The following BANK1 variants were observed in gnomAD, a reference collection of about 807,000 sequenced individuals.
The protein encoded by BANK1 is B-cell scaffold protein with ankyrin repeats.
In BANK1, 95 loss-of-function variants were observed where a neutral mutation model predicts 94.5. That is an observed-to-expected ratio of 1.00 (90% CI 0.85 to 1.19). BANK1 has a LOEUF of 1.19. Among genes scored for constraint, BANK1 ranks in the 50% most tolerant of loss-of-function variants. BANK1 has a pLI of 0.00. For missense variants in BANK1, 987 were observed against 932.2 expected (o/e 1.06, Z -0.77); for synonymous variants, 334 against 308.4 (o/e 1.08, Z -0.87).
At chr4:101,966,580 A>G (rs563407468) in intron 7 of BANK1, among the ~76,000 whole-genome samples, 1 of 152,210 alleles carries the variant, frequency 6.6e-6, no homozygotes, top group South Asian at 2.1e-4. Flanking sequence ...ATGCCTTTTA[A>G]TTCAAAGATA....
At chr4:101,847,065 C>A (rs538542315) in intron 2 of BANK1, among the ~76,000 whole-genome samples, 50 of 152,206 alleles carry the variant, frequency 3.3e-4, no homozygotes, top group African/African-American at 1.2e-3. Context: ...GATTGCAAGT[C>A]GTATGAAGGA....
chr4:101,955,925 A>T (rs1312179928), intron 7 of BANK1, among the ~76,000 whole-genome samples: 2 of 152,198 alleles, frequency 1.3e-5, no homozygotes, highest in Non-Finnish European at 2.9e-5. Flanking sequence ...TGGAGGTTAA[A>T]TGAAATAATT....
intron 7 of BANK1, among the ~76,000 whole-genome samples, chr4:101,999,203 T>C (rs1287566688): frequency 6.6e-6 from 1 of 152,162 alleles, no homozygotes; most frequent in Non-Finnish European, 1.5e-5. Context: ...TTGAATACTC[T>C]CAATATTAAA....
intron 4 of BANK1, among the ~76,000 whole-genome samples, chr4:101,867,146 C>A (rs1728102118): frequency 4.8e-5 from 2 of 41,890 alleles, no homozygotes; most frequent in African/African-American, 1.9e-4. Context: ...GCACATGTAC[C>A]CTAAAACTTA....
At chr4:101,932,329 A>G (rs1487241019) in intron 7 of BANK1, among the ~76,000 whole-genome samples, 1 of 151,596 alleles carries the variant, frequency 6.6e-6, no homozygotes, top group Admixed American at 6.6e-5. Context: ...ATGTTTTTAT[A>G]TATGTGTGCA....
rs143890652 is a variant in BANK1 at position 101,977,266 on chromosome 4, G to A, written c.1207-44248G>A. On this transcript the variant is annotated intron_variant, in intron 7 of 16. Transcript: ENST00000322953. ...ATTTCCATGCTTCTTGCAGCATAAG[G>A]AAGGGAATGTGGTGAATCACACACT... 3.8e-3 allele frequency among the ~76,000 whole-genome samples: 577 copies of A among 152,232 alleles called. 7 individuals are homozygous for A. Among genetic ancestry groups the A allele is most frequent in the African/African-American group, 0.013 (551 of 41,548 alleles).
At position 101,987,693 on chromosome 4, in the gene BANK1, A is replaced by G. The variant is rs182584813; in HGVS notation, c.1207-33821A>G. The stretch of plus-strand genomic sequence containing the variant: ...TCTGTTCATGACAAATATTAAAAAA[A>G]GAGCAGAAATCTTATTCTACCTCTG... On this transcript the variant is annotated intron_variant, in intron 7 of 16. Coordinates refer to ENST00000322953, the MANE Select transcript of BANK1 (RefSeq NM_017935.5). Among the ~76,000 whole-genome samples, 1,131 of 152,306 alleles carry G rather than the reference A, an allele frequency of 7.4e-3. 11 individuals carry two copies. Among genetic ancestry groups the G allele is most frequent in the African/African-American group, 0.026 (1,069 of 41,572 alleles).
At chr4:101,809,854 A>G (rs1188304445) in intron 1 of BANK1, among the ~76,000 whole-genome samples, 1 of 152,224 alleles carries the variant, frequency 6.6e-6, no homozygotes, top group Non-Finnish European at 1.5e-5. Context: ...GGTGTGGTAG[A>G]CAGAACAATG....
intron 7 of BANK1, among the ~76,000 whole-genome samples, chr4:101,927,721 T>C (rs1251525772): frequency 6.6e-6 from 1 of 151,562 alleles, no homozygotes; most frequent in East Asian, 1.9e-4. Context: ...AAGCGGAGGA[T>C]GGAATTAATT....
chr4:101,966,838 C>A (rs1438166497), intron 7 of BANK1, among the ~76,000 whole-genome samples: 1 of 151,990 alleles, frequency 6.6e-6, no homozygotes, highest in African/African-American at 2.4e-5. Flanking sequence ...GTTGGTAACA[C>A]CTGGATTTCA....
At chr4:101,849,611 A>G (rs1322319336) in intron 2 of BANK1, among the ~76,000 whole-genome samples, 3 of 152,214 alleles carry the variant, frequency 2.0e-5, no homozygotes, top group Admixed American at 6.5e-5. Context: ...ATGTATTAAC[A>G]CATACTATAT....
chr4:101,927,843 G>A (rs1204192109), intron 7 of BANK1, among the ~76,000 whole-genome samples: 1 of 151,616 alleles, frequency 6.6e-6, no homozygotes, highest in Non-Finnish European at 1.5e-5. Context: ...CCAAAGTTTG[G>A]AAGTAGAGGT....
chr4:101,998,168 T>G (rs909717699), intron 7 of BANK1, among the ~76,000 whole-genome samples: 4 of 152,200 alleles, frequency 2.6e-5, no homozygotes, highest in Admixed American at 1.3e-4. Context: ...CTTAATTTCG[T>G]TATTTACCCA....
rs1305722927 is a variant in BANK1 at position 102,007,068 on chromosome 4, T to TTA, written c.1207-14435_1207-14434dup. 1.1e-3 allele frequency among the ~76,000 whole-genome samples: 105 copies of TTA among 99,058 alleles called. 2 individuals carry two copies. Among genetic ancestry groups the TTA allele is most frequent in the Non-Finnish European group, 1.9e-3 (83 of 44,664 alleles). 65.0% of individuals were successfully genotyped at this position (99,058 alleles called of 152,430 possible). The stretch of plus-strand genomic sequence containing the variant: ...ATATATATATATAAAATATATAATT[T>TTA]TATATATATATAAATATATATATAA... On this transcript the variant is annotated intron_variant, in intron 7 of 16. Coordinates refer to ENST00000322953, the MANE Select transcript of BANK1 (RefSeq NM_017935.5).
rs1177471211 is a variant in BANK1, at chr4:102,025,252, G to A, written c.1337G>A (p.Ser446Asn). The A allele has an allele frequency of 1.9e-6, 3 of 1,614,194 alleles. No individual in the cohort carries two copies. The highest frequency in any genetic ancestry group is 2.5e-6 in the Non-Finnish European group (3 of 1,180,022). The part of the protein sequence containing the change: ...HHESRKTYGQ[S>N]ADGAEANEME... ...GAAAGCAGGAAGACATACGGGCAGAGTGCAGATGGAGCTGAGGCAAATGAA... is the reference window on the plus strand; with the variant it reads ...GAAAGCAGGAAGACATACGGGCAGAATGCAGATGGAGCTGAGGCAAATGAA... The change falls in exon 9 of 17, where the codon AGT becomes AAT. Residue 446 changes from serine to asparagine, a missense_variant. Ser to Asn is a conservative substitution (Grantham distance 46, BLOSUM62 1). Coordinates refer to ENST00000322953, the MANE Select transcript of BANK1 (RefSeq NM_017935.5).
chr4:101,899,752 GA>G (rs1486881524), intron 6 of BANK1, among the ~76,000 whole-genome samples: 5 of 152,130 alleles, frequency 3.3e-5, no homozygotes, highest in Non-Finnish European at 1.5e-5. Context: ...TTGATACCAG[GA>G]TGAGAATTTG....
intron 1 of BANK1, among the ~76,000 whole-genome samples, chr4:101,811,856 A>T (rs1254970553): frequency 6.6e-6 from 1 of 152,070 alleles, no homozygotes; most frequent in Non-Finnish European, 1.5e-5. Context: ...AGAATAAACT[A>T]CTTTGTGTTA....
At chr4:101,814,889 T>G (rs1275181039) in intron 1 of BANK1, among the ~76,000 whole-genome samples, 1 of 152,222 alleles carries the variant, frequency 6.6e-6, no homozygotes, top group Non-Finnish European at 1.5e-5. Context: ...CAGTGTACTT[T>G]GAAATGTGGC....
chr4:101,967,507 G>A (rs1204661116), intron 7 of BANK1, among the ~76,000 whole-genome samples: 1 of 151,924 alleles, frequency 6.6e-6, no homozygotes, highest in East Asian at 1.9e-4. Context: ...GTGTGGAATA[G>A]GTATTTAGAG....
Sources: allele counts gnomAD v4.1 joint callset (sites outside exome capture counted in the v4.1 genomes callset), GRCh38; gene constraint gnomAD v4.1.1; transcripts MANE v1.5; gene names NCBI Gene and HGNC (gene_info 2026-07-23, HGNC 2026-07-21).